SLC45A4: variants seen among roughly 807,000 people sequenced by gnomAD.
SLC45A4 encodes polyamine-transporter SLC45A4.
SLC45A4 carries 32 observed loss-of-function variants against 63.7 expected under a neutral mutation model. The ratio of observed to expected loss-of-function variants is 0.50; its 90% confidence interval spans 0.38 to 0.67. SLC45A4 has a LOEUF of 0.67. SLC45A4 is among the 30% of genes least tolerant of loss of function. The pLI, the probability that SLC45A4 is intolerant of heterozygous loss-of-function variation, is 0.00. For missense variants in SLC45A4, 1,027 were observed against 1,157.7 expected (o/e 0.89, Z 1.64); for synonymous variants, 535 against 510.0 (o/e 1.05, Z -0.66).
rs548862733 is a variant in SLC45A4, at chr8:141,227,439, C to T, written c.242-5674G>A. ...TGGACAAAGCTTCCACATCAAGATA[C>T]GCTTGTGTGCTGGGACCAAATGCCA... On this transcript the variant is annotated intron_variant, in intron 2 of 8. Coordinates refer to ENST00000517878, the MANE Select transcript of SLC45A4 (RefSeq NM_001286646.2). This position sits in a 1 kb window ranked among gnomAD's most constrained non-coding sequence, Gnocchi z 4.4. 7.2e-5 allele frequency among the ~76,000 whole-genome samples: 11 copies of T among 152,222 alleles called. No individual in the cohort carries two copies. Among genetic ancestry groups the T allele is most frequent in the Non-Finnish European group, 1.3e-4 (9 of 68,044 alleles).
intron 5 of SLC45A4, among the ~76,000 whole-genome samples, chr8:141,217,696 T>A (rs923813786): frequency 3.9e-5 from 6 of 152,204 alleles, no homozygotes; most frequent in Admixed American, 2.6e-4. Context: ...CAGGCCATTA[T>A]CTTAGCTGCC....
rs113505477 is a variant in SLC45A4 at position 141,289,187 on chromosome 8, G to A, written c.-401+18909C>T. On this transcript the variant is annotated intron_variant, in intron 1 of 8. Transcript: ENST00000517878. ...AGAGGCCAGGGCGAGAGCAGAAGGG[G>A]CAGAGGCGGGGATGGCGGGGGAGTG... is the stretch of plus-strand genomic sequence containing the variant. 1.7e-4 allele frequency among the ~76,000 whole-genome samples: 26 copies of A among 152,298 alleles called. 1 individual carries two copies. Among genetic ancestry groups the A allele is most frequent in the African/African-American group, 5.5e-4 (23 of 41,552 alleles).
intron 8 of SLC45A4, chr8:141,211,966 T>G (rs1825847976): frequency 1.6e-6 from 2 of 1,282,970 alleles, no homozygotes; most frequent in Admixed American, 3.8e-5. Flanking sequence ...ATGATTCTTT[T>G]AATTATCGAA....
At chr8:141,238,782 G>A (rs750275327) in intron 2 of SLC45A4, among the ~76,000 whole-genome samples, 19 of 152,332 alleles carry the variant, frequency 1.2e-4, no homozygotes, top group Non-Finnish European at 2.1e-4. Flanking sequence ...GATGCTAGAC[G>A]TGGGGTGCCT....
intron 1 of SLC45A4, among the ~76,000 whole-genome samples, chr8:141,273,366 G>A (rs542689088): frequency 3.9e-5 from 6 of 152,286 alleles, no homozygotes; most frequent in South Asian, 2.1e-4. Context: ...TCTAGCCTGC[G>A]CATCCCCTGA....
chr8:141,287,842 C>G (rs1042928641), intron 1 of SLC45A4, among the ~76,000 whole-genome samples: 2 of 152,166 alleles, frequency 1.3e-5, no homozygotes, highest in African/African-American at 4.8e-5. Flanking sequence ...AGGGCACAGT[C>G]CACAGGGTAG....
chr8:141,273,654 A>C (rs1411246101), intron 1 of SLC45A4, among the ~76,000 whole-genome samples: 1 of 152,130 alleles, frequency 6.6e-6, no homozygotes, highest in Non-Finnish European at 1.5e-5. Flanking sequence ...CAATTGAGGA[A>C]TACCACTAAT....
chr8:141,263,260 TGTTAAATGACGA>T (rs1829112463), intron 1 of SLC45A4, among the ~76,000 whole-genome samples: 1 of 151,218 alleles, frequency 6.6e-6, no homozygotes, highest in Non-Finnish European at 1.5e-5. Flanking sequence ...ATATACCTAA[TGTTAAATGACGA>T]GTTAATGGGT....
At chr8:141,280,790 TC>T in intron 1 of SLC45A4, among the ~76,000 whole-genome samples, 1 of 152,174 alleles carries the variant, frequency 6.6e-6, no homozygotes, top group East Asian at 1.9e-4. Context: ...GTAACTGGAA[TC>T]CTCCCCAACA....
chr8:141,260,042 T>C (rs574899193), intron 1 of SLC45A4, among the ~76,000 whole-genome samples: 1 of 152,310 alleles, frequency 6.6e-6, no homozygotes. Flanking sequence ...AGCATGAGCA[T>C]GGCACCGGTG....
At chr8:141,232,959 G>A (rs926146502) in intron 2 of SLC45A4, among the ~76,000 whole-genome samples, 1 of 152,218 alleles carries the variant, frequency 6.6e-6, no homozygotes, top group African/African-American at 2.4e-5. Context: ...CTGAGGTGAC[G>A]TCGCTGAACA....
intron 1 of SLC45A4, among the ~76,000 whole-genome samples, chr8:141,259,170 A>G (rs1157553444): frequency 6.6e-6 from 1 of 152,240 alleles, no homozygotes; most frequent in African/African-American, 2.4e-5. Context: ...GAGGGAGACC[A>G]GCATCTGGGT....
Position 141,218,710 on chromosome 8 carries a change from T to C in SLC45A4, c.930A>G (p.Ala310=), listed in dbSNP as rs753779. ...VDIMRSKSDS[A]LHVPDTALDL... ...CCAGCGCGGTGTCCGGCACGTGCAATGCCGAGTCGCTTTTGCTGCGCATGA... is the reference window on the plus strand; with the variant it reads ...CCAGCGCGGTGTCCGGCACGTGCAACGCCGAGTCGCTTTTGCTGCGCATGA... Residue 310 remains alanine, a synonymous_variant, in exon 5 of 9, where the codon GCA becomes GCG. Transcript: ENST00000517878. 0.61 allele frequency: 985,669 copies of C among 1,613,134 alleles called. 304,921 individuals are homozygous for C. Among genetic ancestry groups the C allele is most frequent in the East Asian group, 0.83 (37,334 of 44,858 alleles).
At chr8:141,228,820 T>C (rs1192536927) in intron 2 of SLC45A4, among the ~76,000 whole-genome samples, 1 of 152,076 alleles carries the variant, frequency 6.6e-6, no homozygotes, top group Non-Finnish European at 1.5e-5. Context: ...AAAGGAAAGT[T>C]CTAATTCAAT....
chr8:141,264,426 T>C (rs1829175355), intron 1 of SLC45A4, among the ~76,000 whole-genome samples: 1 of 152,184 alleles, frequency 6.6e-6, no homozygotes, highest in African/African-American at 2.4e-5. Context: ...GCAGAGAGGC[T>C]GCCGGGACAT....
chr8:141,279,549 C>T (rs749383500), intron 1 of SLC45A4, among the ~76,000 whole-genome samples: 1 of 152,182 alleles, frequency 6.6e-6, no homozygotes, highest in South Asian at 2.1e-4. Context: ...AGTTGTAAAC[C>T]GACAATTCAT....
At chr8:141,249,222 G>A (rs984208781) in intron 2 of SLC45A4, among the ~76,000 whole-genome samples, 5 of 152,140 alleles carry the variant, frequency 3.3e-5, no homozygotes, top group Non-Finnish European at 5.9e-5. Flanking sequence ...GCCACTCCCA[G>A]TGAACCACTC....
chr8:141,263,503 C>T (rs967215949), intron 1 of SLC45A4, among the ~76,000 whole-genome samples: 7 of 152,084 alleles, frequency 4.6e-5, no homozygotes, highest in Admixed American at 6.5e-5. Flanking sequence ...CGCAGTGGCT[C>T]ATGCCTGTAA....
At chr8:141,265,374 G>C (rs2154614844) in intron 1 of SLC45A4, among the ~76,000 whole-genome samples, 1 of 152,372 alleles carries the variant, frequency 6.6e-6, no homozygotes, top group East Asian at 1.9e-4. Context: ...GCTCTGAGAA[G>C]AGAAGGGAGG....
Sources: allele counts gnomAD v4.1 joint callset (sites outside exome capture counted in the v4.1 genomes callset), GRCh38; gene constraint gnomAD v4.1.1; non-coding constraint Gnocchi (gnomAD v3.1); transcripts MANE v1.5; gene names NCBI Gene and HGNC (gene_info 2026-07-23, HGNC 2026-07-21).